ABHD5: variants seen among roughly 807,000 people sequenced by gnomAD.
ABHD5 encodes the protein abhydrolase domain containing 5, lysophosphatidic acid acyltransferase.
Under a neutral mutation model 44.9 loss-of-function variants are expected in ABHD5, and 30 were observed. The observed-to-expected ratio is 0.67, with a 90% CI of 0.50 to 0.91. The LOEUF is 0.91. Ranked by LOEUF, ABHD5 falls within the 40% of genes least tolerant of loss-of-function variation. The probability of loss-of-function intolerance (pLI) is 0.00; values close to 1 mark genes in which losing one functional copy is unlikely to be tolerated. For missense variants in ABHD5, 399 were observed against 423.4 expected (o/e 0.94, Z 0.50); for synonymous variants, 167 against 147.0 (o/e 1.14, Z -0.99).
In ABHD5 at chr3:43,699,315, T is replaced by C. The variant is rs138443653; in HGVS notation, c.87T>C (p.Pro29=). The C allele has an allele frequency of 3.0e-5, 49 of 1,614,018 alleles. No individual in the cohort carries two copies. In the African/African-American group the frequency reaches 5.9e-4, roughly 19 times the overall value. ...WLTGWLPTWC[P]TSISHLKEAE... ...CTGGTTGGCTCCCCACATGGTGCCC[T>C]ACGTCTATATCACACCTTAAAGAAG... is the stretch of plus-strand genomic sequence containing the variant. The change falls in exon 2 of 7, where the codon CCT becomes CCC. Residue 29 remains proline, a synonymous_variant. Transcript: ENST00000644371.
intron 1 of ABHD5, among the ~76,000 whole-genome samples, chr3:43,697,479 A>G (rs1178742986): frequency 2.0e-5 from 3 of 152,178 alleles, no homozygotes; most frequent in African/African-American, 4.8e-5. Flanking sequence ...ATGGTTAAAT[A>G]TAGACCTAAT....
chr3:43,705,884 AAG>A (rs1479170096), intron 3 of ABHD5, among the ~76,000 whole-genome samples: 1 of 152,204 alleles, frequency 6.6e-6, no homozygotes, highest in East Asian at 1.9e-4. Flanking sequence ...TTTTATTAAA[AAG>A]AATTTTTTTC....
At chr3:43,701,351 T>G (rs2084539845) in intron 2 of ABHD5, among the ~76,000 whole-genome samples, 1 of 152,222 alleles carries the variant, frequency 6.6e-6, no homozygotes, top group African/African-American at 2.4e-5. Context: ...AACATGATAT[T>G]ATTTCTTTGG....
intron 4 of ABHD5, among the ~76,000 whole-genome samples, chr3:43,713,800 C>A (rs2084720019): frequency 6.6e-6 from 1 of 151,966 alleles, no homozygotes; most frequent in African/African-American, 2.4e-5. Context: ...CAGTGATGGG[C>A]AAGGGAGGAC....
chr3:43,700,635 A>T (rs1205794618), intron 2 of ABHD5, among the ~76,000 whole-genome samples: 2 of 150,982 alleles, frequency 1.3e-5, no homozygotes, highest in East Asian at 3.9e-4. Flanking sequence ...GTGCAGTGGC[A>T]CAATCTCAGC....
chr3:43,699,623 T>C (rs972336399), intron 2 of ABHD5: 3 of 346,422 alleles, frequency 8.7e-6, no homozygotes, highest in Non-Finnish European at 1.6e-5. Flanking sequence ...GGGCTTATTA[T>C]CAATATTTAT....
At chr3:43,723,674 G>A (rs1468600), downstream of ABHD5, among the ~76,000 whole-genome samples, 1 of 152,118 alleles carries the variant, frequency 6.6e-6, no homozygotes, top group Non-Finnish European at 1.5e-5. Flanking sequence ...TGAAAAGCAC[G>A]TTAATATGCT....
chr3:43,700,776 G>T (rs1374689398), intron 2 of ABHD5, among the ~76,000 whole-genome samples: 4 of 150,438 alleles, frequency 2.7e-5, no homozygotes, highest in African/African-American at 9.7e-5. Flanking sequence ...GTTTCGCCAT[G>T]TTGACCAGGC....
Position 43,731,063 on chromosome 3 carries a change from C to T in ABHD5, c.*30-2817C>T, listed in dbSNP as rs937470401. On this transcript the variant is annotated intron_variant, in intron 7 of 7. Coordinates refer to the ABHD5 transcript ENST00000454293. ...CACGGTGGTCTCGATCTCCTGACCT[C>T]GTGATCCACCTGCCTCGGCCTCCCA... Among the ~76,000 whole-genome samples the T allele has an allele frequency of 7.9e-5, 12 of 151,080 alleles. No homozygotes were observed. In the East Asian group the frequency reaches 1.4e-3, roughly 18 times the overall value.
chr3:43,729,228 G>T (rs1267667664), intron 7 of ABHD5, among the ~76,000 whole-genome samples: 1 of 152,202 alleles, frequency 6.6e-6, no homozygotes, highest in African/African-American at 2.4e-5. Flanking sequence ...TGGGGAGCTT[G>T]ATGTGTGAGA....
chr3:43,717,339 T>C (rs2084777915), intron 5 of ABHD5, among the ~76,000 whole-genome samples: 1 of 152,250 alleles, frequency 6.6e-6, no homozygotes, highest in African/African-American at 2.4e-5. Context: ...GGGGATAAGC[T>C]ACCTTCTACA....
intron 4 of ABHD5, 133 bp from the exon 5 acceptor site, chr3:43,714,814 A>G: frequency 3.3e-6 from 2 of 612,132 alleles, no homozygotes; most frequent in East Asian, 3.3e-5. Flanking sequence ...CCTACAATAT[A>G]TATTTGAATA....
At chr3:43,705,739 C>G (rs1461113195) in intron 3 of ABHD5, among the ~76,000 whole-genome samples, 1 of 152,162 alleles carries the variant, frequency 6.6e-6, no homozygotes, top group Non-Finnish European at 1.5e-5. Flanking sequence ...AAGCACTTCT[C>G]TTTAAATGGA....
At chr3:43,693,586 C>G (rs955757859) in intron 1 of ABHD5, among the ~76,000 whole-genome samples, 8 of 152,106 alleles carry the variant, frequency 5.3e-5, no homozygotes, top group Non-Finnish European at 8.8e-5. Flanking sequence ...TCCCAATGGC[C>G]TTCTAGTTTT....
chr3:43,724,144 T>C (rs1484269346), downstream of ABHD5, among the ~76,000 whole-genome samples: 5 of 152,154 alleles, frequency 3.3e-5, no homozygotes, highest in Middle Eastern at 3.2e-3. Flanking sequence ...AGAATTTCCA[T>C]AGTAGAACTT....
At chr3:43,691,072 T>G (rs761920953) in intron 1 of ABHD5, 33 bp downstream of exon 1, 36 of 1,520,824 alleles carry the variant, frequency 2.4e-5, no homozygotes, top group Non-Finnish European at 3.1e-5. Flanking sequence ...TTCGTGTGTC[T>G]CCGGCGCGCA....
chr3:43,725,631 A>G (rs2084872122), downstream of ABHD5, among the ~76,000 whole-genome samples: 1 of 152,184 alleles, frequency 6.6e-6, no homozygotes, highest in Non-Finnish European at 1.5e-5. Context: ...TATTGTGTTC[A>G]TCTGCAAGAG....
intron 1 of ABHD5, among the ~76,000 whole-genome samples, chr3:43,698,413 G>A (rs1006965104): frequency 6.6e-5 from 10 of 151,992 alleles, no homozygotes; most frequent in African/African-American, 2.4e-4. Context: ...AATAATACCA[G>A]CCATGCACCG....
At chr3:43,730,799 C>T (rs780009172) in intron 7 of ABHD5, among the ~76,000 whole-genome samples, 1 of 152,054 alleles carries the variant, frequency 6.6e-6, no homozygotes, top group Non-Finnish European at 1.5e-5. Context: ...AGCCACTGCG[C>T]CTGGCCTAAT....
Sources: allele counts gnomAD v4.1 joint callset (sites outside exome capture counted in the v4.1 genomes callset), GRCh38; gene constraint gnomAD v4.1.1; transcripts MANE v1.5; gene names NCBI Gene and HGNC (gene_info 2026-07-23, HGNC 2026-07-21).